The following MYBPC1 variants were observed in gnomAD, a reference collection of about 807,000 sequenced individuals.
MYBPC1 encodes the protein myosin binding protein C1.
A neutral mutation model predicts 147.1 loss-of-function variants in MYBPC1; 52 were observed. The observed-to-expected ratio is 0.35, with a 90% CI of 0.28 to 0.45. The LOEUF (loss-of-function observed/expected upper bound fraction) is 0.45. MYBPC1 is among the 20% of genes least tolerant of loss of function. The pLI is 1.00. For missense variants in MYBPC1, 1,228 were observed against 1,440.3 expected (o/e 0.85, Z 2.39); for synonymous variants, 477 against 475.9 (o/e 1.00, Z -0.03).
At chr12:101,623,211 C>T (rs574751902) in intron 3 of MYBPC1, among the ~76,000 whole-genome samples, 1 of 152,048 alleles carries the variant, frequency 6.6e-6, no homozygotes, top group Non-Finnish European at 1.5e-5. Context: ...TGGTGGCAGA[C>T]GTCTGTAGTC....
intron 3 of MYBPC1, among the ~76,000 whole-genome samples, chr12:101,625,940 T>G (rs937036918): frequency 3.3e-5 from 5 of 151,680 alleles, no homozygotes; most frequent in Non-Finnish European, 7.4e-5. Flanking sequence ...AAAAAAAAAT[T>G]AGCCAGGCAT....
intron 28 of MYBPC1, among the ~76,000 whole-genome samples, chr12:101,679,707 G>A (rs745862685): frequency 1.3e-5 from 2 of 152,096 alleles, no homozygotes; most frequent in African/African-American, 2.4e-5. Context: ...GACAGATTAA[G>A]TAATGAGGAG....
At chr12:101,600,585 G>T (rs560757517) in intron 1 of MYBPC1, 1 of 152,124 alleles carries the variant, frequency 6.6e-6, no homozygotes, top group South Asian at 2.1e-4. Flanking sequence ...TATTGCTATT[G>T]TTTTTACAGT....
chr12:101,637,800 CT>C (rs1466204071), intron 10 of MYBPC1, among the ~76,000 whole-genome samples: 7 of 152,242 alleles, frequency 4.6e-5, no homozygotes, highest in South Asian at 2.1e-4. Context: ...AAATTTACCC[CT>C]ATCCCTCAAC....
intron 5 of MYBPC1, 107 bp from the exon 6 acceptor site, chr12:101,629,327 T>G: frequency 1.3e-6 from 1 of 775,506 alleles, no homozygotes; most frequent in Non-Finnish European, 2.3e-6. Context: ...TCTAGGTTTA[T>G]TAGACAAAGA....
intron 24 of MYBPC1, among the ~76,000 whole-genome samples, chr12:101,670,740 G>A (rs7973756): frequency 0.46 from 70,311 of 151,896 alleles, 16,631 homozygotes; most frequent in Admixed American, 0.61. Flanking sequence ...GGTCCTATAC[G>A]TTTGTAAAAC....
At position 101,628,501 on chromosome 12, in the gene MYBPC1, G is replaced by T. The variant is rs137893036; in HGVS notation, c.178+697G>T. On this transcript the variant is annotated intron_variant, in intron 5 of 31. Coordinates refer to ENST00000361466, the MANE Select transcript of MYBPC1 (RefSeq NM_002465.4). The stretch of plus-strand genomic sequence containing the variant: ...TACTACAGATAGAAATATCAAGCAT[G>T]ATTGATACATGAAAACTAAAATAAT... Among the ~76,000 whole-genome samples the T allele has an allele frequency of 1.5e-3, 232 of 152,266 alleles. 3 individuals are homozygous for T. The highest frequency in any genetic ancestry group is 0.01 in the East Asian group (53 of 5,182).
At chr12:101,647,770 C>G (rs1209334468) in intron 13 of MYBPC1, among the ~76,000 whole-genome samples, 1 of 152,048 alleles carries the variant, frequency 6.6e-6, no homozygotes, top group East Asian at 1.9e-4. Context: ...ACCTGTAATC[C>G]CAGCTACTCA....
intron 16 of MYBPC1, 88 bp from the exon 17 acceptor site, chr12:101,652,590 C>A: frequency 1.1e-6 from 1 of 890,330 alleles, no homozygotes; most frequent in Non-Finnish European, 1.9e-6. Flanking sequence ...AGAAGTTAAT[C>A]AGATAAAGGT....
chr12:101,617,436 T>C (rs1461542836), intron 3 of MYBPC1, among the ~76,000 whole-genome samples, 193 bp downstream of exon 3: 1 of 152,216 alleles, frequency 6.6e-6, no homozygotes, highest in African/African-American at 2.4e-5. Context: ...CATGTATTTC[T>C]AAAAGAAAAA....
intron 1 of MYBPC1, among the ~76,000 whole-genome samples, chr12:101,596,294 T>C (rs1004586411): frequency 6.6e-6 from 1 of 152,212 alleles, no homozygotes; most frequent in African/African-American, 2.4e-5. Flanking sequence ...GGATGAAGTC[T>C]TTCACCCAAA....
rs116033594 is a variant in MYBPC1 at position 101,638,217 on chromosome 12, C to A, written c.665+1489C>A. On this transcript the variant is annotated intron_variant, in intron 10 of 31. Coordinates refer to ENST00000361466, the MANE Select transcript of MYBPC1 (RefSeq NM_002465.4). ...ACAAGAGAGCTTTGTATTCTCCCTG[C>A]AATCATTTACTCAGTCAGGAAAATA... 5.6e-3 allele frequency among the ~76,000 whole-genome samples: 858 copies of A among 152,296 alleles called. 6 individuals carry two copies. Among genetic ancestry groups the A allele is most frequent in the African/African-American group, 0.019 (799 of 41,556 alleles).
At chr12:101,603,967 C>A (rs866683483) in intron 1 of MYBPC1, among the ~76,000 whole-genome samples, 5 of 151,954 alleles carry the variant, frequency 3.3e-5, no homozygotes, top group African/African-American at 9.7e-5. Flanking sequence ...TTCAAGATCC[C>A]CAAAAAAGAC....
chr12:101,613,223 C>G (rs371845827), intron 1 of MYBPC1, among the ~76,000 whole-genome samples: 7 of 152,256 alleles, frequency 4.6e-5, no homozygotes, highest in South Asian at 4.2e-4. Context: ...ACGGTGCAAT[C>G]CATTCATTTT....
chr12:101,667,036 A>T (rs1447939370), intron 22 of MYBPC1, among the ~76,000 whole-genome samples: 1 of 152,124 alleles, frequency 6.6e-6, no homozygotes, highest in Non-Finnish European at 1.5e-5. Context: ...TAACTTTTAG[A>T]TGCTGAAACA....
At chr12:101,662,808 A>G (rs915621226) in intron 21 of MYBPC1, among the ~76,000 whole-genome samples, 2 of 152,214 alleles carry the variant, frequency 1.3e-5, no homozygotes, top group Non-Finnish European at 2.9e-5. Context: ...GCCATTCCCC[A>G]CTGAAAACAT....
intron 10 of MYBPC1, among the ~76,000 whole-genome samples, chr12:101,641,115 GAAAAAA>G (rs34380289): frequency 9.4e-6 from 1 of 105,964 alleles, no homozygotes; most frequent in African/African-American, 3.6e-5. Context: ...CTGTCTCAAA[GAAAAAA>G]AAAAAAAAAA....
intron 4 of MYBPC1, among the ~76,000 whole-genome samples, chr12:101,627,115 C>A (rs925594036): frequency 6.6e-6 from 1 of 152,150 alleles, no homozygotes; most frequent in Non-Finnish European, 1.5e-5. Flanking sequence ...AAGAGGCATT[C>A]TTTGAGAAAT....
intron 23 of MYBPC1, among the ~76,000 whole-genome samples, chr12:101,669,252 G>T (rs1454318502): frequency 6.6e-6 from 1 of 152,186 alleles, no homozygotes; most frequent in Non-Finnish European, 1.5e-5. Context: ...CCGTACAACT[G>T]AGTTGGAGGA....
Sources: gnomAD v4.1 joint callset for allele counts (sites outside exome capture counted in the v4.1 genomes callset) on GRCh38, gnomAD v4.1.1 for gene constraint, MANE v1.5 for transcripts, NCBI Gene and HGNC (gene_info 2026-07-23, HGNC 2026-07-21) for gene names.